The following TBL1Y variants were observed in gnomAD, a reference collection of about 807,000 sequenced individuals.
TBL1Y encodes the protein transducin beta like 1 Y-linked.
In TBL1Y, 15 loss-of-function variants were observed where a neutral mutation model predicts 12.0. The ratio of observed to expected loss-of-function variants is 1.25; its 90% CI spans 0.83 to 1.92. The LOEUF (loss-of-function observed/expected upper bound fraction) is 1.92, where lower values mean the gene tolerates loss of function less well. TBL1Y is among the 40% of genes most tolerant of loss of function. The pLI, the probability that TBL1Y is intolerant of heterozygous loss-of-function variation, is 0.00. For synonymous variants in TBL1Y, 53 were observed against 42.6 expected (o/e 1.24, Z -0.95); for missense variants, 148 against 116.7 (o/e 1.27, Z -1.24).
At chrY:6,987,989 G>T (rs1038167261) in intron 3 of TBL1Y, among the ~76,000 whole-genome samples, 2 of 33,136 alleles carry the variant, frequency 6.0e-5, no homozygotes, top group African/African-American at 1.2e-4. Context: ...GACTGTTGCA[G>T]GCAGTGTAAT....
chrY:6,953,515 G>A, intron 2 of TBL1Y, among the ~76,000 whole-genome samples: 1 of 33,801 alleles, frequency 3.0e-5, no homozygotes, highest in African/African-American at 1.2e-4. Context: ...TCTTGCCATG[G>A]TTTTCAGCTC....
chrY:6,997,694 T>C (rs775737971), intron 4 of TBL1Y, among the ~76,000 whole-genome samples: 1 of 33,983 alleles, frequency 2.9e-5, no homozygotes, highest in African/African-American at 1.1e-4. Context: ...GTCTGTTCAA[T>C]AGGGCTTTTG....
chrY:7,039,236 C>CCTCCTCTA (rs2012710350), intron 6 of TBL1Y, among the ~76,000 whole-genome samples: 1 of 33,490 alleles, frequency 3.0e-5, no homozygotes, highest in Non-Finnish European at 7.4e-5. Flanking sequence ...AGTGGTCAGG[C>CCTCCTCTA]CTCCTCTATT....
chrY:6,942,665 A>G, intron 2 of TBL1Y, among the ~76,000 whole-genome samples: 2 of 32,956 alleles, frequency 6.1e-5, no homozygotes, highest in African/African-American at 2.4e-4. Flanking sequence ...TGAAGATGGC[A>G]TAAATGGGAT....
intron 3 of TBL1Y, among the ~76,000 whole-genome samples, chrY:6,989,262 C>T: frequency 6.1e-5 from 2 of 32,873 alleles, no homozygotes; most frequent in Non-Finnish European, 1.5e-4. Context: ...CAGAGCAGAC[C>T]GATAAACAGT....
chrY:7,065,029 T>C (rs2012968817), intron 8 of TBL1Y, among the ~76,000 whole-genome samples: 1 of 33,306 alleles, frequency 3.0e-5, no homozygotes, highest in Non-Finnish European at 7.4e-5. Flanking sequence ...CTACAGGTCA[T>C]TTATTAACTA....
In TBL1Y at chrY:7,064,946, T is replaced by C. The variant is rs373247856; in HGVS notation, c.457+797T>C. Among the ~76,000 whole-genome samples the C allele has an allele frequency of 8.9e-5, 3 of 33,749 alleles. No individual in the cohort carries two copies. In the East Asian group the frequency reaches 2.3e-3, roughly 26 times the overall value. 90.5% of individuals were successfully genotyped at this position (33,749 alleles called of 37,273 possible). On this transcript the variant is annotated intron_variant, in intron 8 of 18. Coordinates refer to ENST00000383032, the MANE Select transcript of TBL1Y (RefSeq NM_033284.2). ...TCTGCTTTGGGTCAATGAAAAGATA[T>C]TCTGGCTTTTTATTTATAAAGTCCA... is the stretch of plus-strand genomic sequence containing the variant.
At chrY:7,071,399 G>A (rs2013031360) in intron 10 of TBL1Y, among the ~76,000 whole-genome samples, 161 bp from the exon 11 acceptor site, 2 of 32,995 alleles carry the variant, frequency 6.1e-5, no homozygotes, top group African/African-American at 1.2e-4. Context: ...TCTTCATGCC[G>A]CATATTTGAT....
chrY:7,030,376 G>A, intron 6 of TBL1Y, among the ~76,000 whole-genome samples: 2 of 33,909 alleles, frequency 5.9e-5, no homozygotes, highest in African/African-American at 1.2e-4. Context: ...ATGGGCAGAC[G>A]TGAATGTCGC....
intron 6 of TBL1Y, among the ~76,000 whole-genome samples, chrY:7,041,313 G>A: frequency 2.9e-5 from 1 of 33,955 alleles, no homozygotes; most frequent in Admixed American, 2.7e-4. Context: ...GAGTCATGAT[G>A]TCTATGAGAG....
chrY:7,026,126 G>A, intron 6 of TBL1Y, among the ~76,000 whole-genome samples: 1 of 33,452 alleles, frequency 3.0e-5, no homozygotes, highest in Non-Finnish European at 7.4e-5. Context: ...CCAGGCAAAC[G>A]TGATCAAGTA....
intron 2 of TBL1Y, among the ~76,000 whole-genome samples, chrY:6,925,555 A>G (rs951768684): frequency 3.0e-5 from 1 of 33,271 alleles, no homozygotes; most frequent in Non-Finnish European, 7.4e-5. Flanking sequence ...AGTAGCTGAG[A>G]CTACAGGCAT....
chrY:6,966,857 T>C (rs945466903), intron 2 of TBL1Y, among the ~76,000 whole-genome samples: 1 of 33,098 alleles, frequency 3.0e-5, no homozygotes. Context: ...CTCTCTCTCT[T>C]TTTTAATGTG....
At chrY:7,008,329 T>A in intron 4 of TBL1Y, among the ~76,000 whole-genome samples, 1 of 32,998 alleles carries the variant, frequency 3.0e-5, no homozygotes, top group Non-Finnish European at 7.4e-5. Flanking sequence ...TGCCATTGTA[T>A]CCAGAGGTCA....
At chrY:6,956,246 A>G (rs755255295) in intron 2 of TBL1Y, among the ~76,000 whole-genome samples, 1 of 32,966 alleles carries the variant, frequency 3.0e-5, no homozygotes, top group South Asian at 7.0e-4. Context: ...GCTCTTAACT[A>G]CTGAAACTGC....
At chrY:7,068,028 G>A (rs2012998733) in intron 8 of TBL1Y, among the ~76,000 whole-genome samples, 1 of 33,183 alleles carries the variant, frequency 3.0e-5, no homozygotes, top group Non-Finnish European at 7.4e-5. Context: ...CAGGCCAGGC[G>A]CGGTGGCTCA....
chrY:7,018,102 T>C (rs908246672), intron 4 of TBL1Y, among the ~76,000 whole-genome samples: 12 of 33,537 alleles, frequency 3.6e-4, no homozygotes, highest in African/African-American at 1.3e-3. Flanking sequence ...TCTTTAAAGA[T>C]GACAGTAAAA....
chrY:6,967,394 CT>C (rs1603031552), intron 2 of TBL1Y, among the ~76,000 whole-genome samples: 10 of 29,301 alleles, frequency 3.4e-4, no homozygotes, highest in Non-Finnish European at 4.2e-4. Flanking sequence ...TGTGGTGTGA[CT>C]TTTTTTTTTT....
In TBL1Y at chrY:7,047,834, A is replaced by T. The variant is rs751435828; in HGVS notation, c.204+4709A>T. On this transcript the variant is annotated intron_variant, in intron 7 of 18. Transcript: ENST00000383032. ...GAGTGCAGTGGTGCGATCTCGGCTC[A>T]CTGCAAGCTCGGCCTCCTGGGTTCA... Among the ~76,000 whole-genome samples, 3 of 21,834 alleles carry T rather than the reference A, an allele frequency of 1.4e-4. No homozygotes were observed. The East Asian group carries it at 3.2e-3, about 24-fold the overall frequency. 58.6% of individuals were successfully genotyped at this position (21,834 alleles called of 37,273 possible). A position where few individuals can be genotyped will look rare whatever the true frequency, so the allele number is the denominator to read the frequency against.
Sources: gnomAD v4.1 joint callset for allele counts (sites outside exome capture counted in the v4.1 genomes callset) on GRCh38, gnomAD v4.1.1 for gene constraint, MANE v1.5 for transcripts, NCBI Gene and HGNC (gene_info 2026-07-23, HGNC 2026-07-21) for gene names.